Variants in GRIP2 observed in about 807,000 individuals in gnomAD.
GRIP2 encodes the protein glutamate receptor-interacting protein 2.
In GRIP2, 58 loss-of-function variants were observed where a neutral mutation model predicts 108.3. The observed-to-expected ratio is 0.54, with a 90% CI of 0.43 to 0.67. The LOEUF (loss-of-function observed/expected upper bound fraction) is 0.67. GRIP2 is among the 30% of genes least tolerant of loss of function. The pLI, the probability that GRIP2 is intolerant of heterozygous loss-of-function variation, is 0.00. For missense variants in GRIP2, 1,278 were observed against 1,430.6 expected, an observed-to-expected ratio of 0.89 and a Z score of 1.72; for synonymous variants, 586 against 598.2, an observed-to-expected ratio of 0.98 and a Z score of 0.30.
At chr3:14,575,294 G>C in the GRIP2 span, among the ~76,000 whole-genome samples, 1 of 152,222 alleles carries the variant, frequency 6.6e-6, no homozygotes, top group African/African-American at 2.4e-5. Context: ...GCTCAGGCCT[G>C]GGATGAGCAT....
At chr3:14,514,152 T>TAAC (rs1396711455) in intron 12 of GRIP2, 140 bp downstream of exon 12, 1 of 847,552 alleles carries the variant, frequency 1.2e-6, no homozygotes, top group Non-Finnish European at 1.8e-6. Flanking sequence ...AGCCTCGGTT[T>TAAC]CCTCATCTGT....
At chr3:14,596,620 A>G in the GRIP2 span, among the ~76,000 whole-genome samples, 1 of 152,198 alleles carries the variant, frequency 6.6e-6, no homozygotes, top group Non-Finnish European at 1.5e-5. Flanking sequence ...AGCACTCACT[A>G]GAGGGAGAGA....
In GRIP2 at chr3:14,505,834, T is replaced by C; in HGVS notation, c.2399-45A>G. The C allele has an allele frequency of 6.9e-7, 1 of 1,456,052 alleles. No homozygotes were observed. Among genetic ancestry groups the C allele is most frequent in the Non-Finnish European group, 9.1e-7 (1 of 1,100,320 alleles). 90.2% of individuals were successfully genotyped at this position (1,456,052 alleles called of 1,614,324 possible). A position where few individuals can be genotyped will look rare whatever the true frequency, so the allele number is the denominator to read the frequency against. ...CTCTGTGTTCCCTGCGGCCTCACCT[T>C]GCCCTCCTGCCTGCCCCATTTCCAG... On this transcript the variant is annotated intron_variant, in intron 19 of 23. Coordinates refer to ENST00000621039, the MANE Select transcript of GRIP2 (RefSeq NM_001080423.4). This position sits in a 1 kb window ranked among gnomAD's most constrained non-coding sequence, Gnocchi z 4.2.
chr3:14,521,587 C>T lies in GRIP2; in HGVS notation c.712+55G>A. Reference sequence around the variant, plus strand: ...AAAGATCCATGGCCACTGCCACCTCCCCCCATCCCAGGCCTCCTCCTGCCC... The same window carrying T: ...AAAGATCCATGGCCACTGCCACCTCTCCCCATCCCAGGCCTCCTCCTGCCC... On this transcript the variant is annotated intron_variant, in intron 7 of 23. Coordinates refer to ENST00000621039, the MANE Select transcript of GRIP2 (RefSeq NM_001080423.4). This position sits in a 1 kb window ranked among gnomAD's most constrained non-coding sequence, Gnocchi z 5.1. The T allele has an allele frequency of 6.6e-7, 1 of 1,526,070 alleles. No homozygotes were observed. Among genetic ancestry groups the T allele is most frequent in the Non-Finnish European group, 8.8e-7 (1 of 1,131,574 alleles). The allele number at this position is 1,526,070 out of a possible 1,614,324, so 94.5% of individuals were successfully genotyped here.
the GRIP2 span, among the ~76,000 whole-genome samples, chr3:14,575,437 C>T: frequency 6.6e-6 from 1 of 152,194 alleles, no homozygotes; most frequent in Non-Finnish European, 1.5e-5. Flanking sequence ...GTGGATCCCA[C>T]CTCTCCACCC....
At chr3:14,573,783 C>A in the GRIP2 span, 2 of 1,547,836 alleles carry the variant, frequency 1.3e-6, no homozygotes, top group South Asian at 2.2e-5. Context: ...GCAGACAGAG[C>A]CAAACTGTCT....
the GRIP2 span, among the ~76,000 whole-genome samples, chr3:14,594,161 C>T: frequency 1.3e-5 from 2 of 152,352 alleles, no homozygotes; most frequent in African/African-American, 4.8e-5. Flanking sequence ...TGAGCCCTCC[C>T]AGGACAGGTG....
the GRIP2 span, among the ~76,000 whole-genome samples, chr3:14,600,877 C>T: frequency 6.6e-4 from 100 of 152,294 alleles, 2 homozygotes; most frequent in African/African-American, 2.4e-3. Context: ...TGTGGGGCAC[C>T]TCCTGGCATT....
chr3:14,596,474 T>C, the GRIP2 span, among the ~76,000 whole-genome samples: 3 of 152,196 alleles, frequency 2.0e-5, no homozygotes, highest in African/African-American at 7.2e-5. Flanking sequence ...CCACATTCTC[T>C]GGTTCAACAC....
chr3:14,586,514 C>T, the GRIP2 span, among the ~76,000 whole-genome samples: 3 of 152,214 alleles, frequency 2.0e-5, no homozygotes, highest in African/African-American at 7.2e-5. Flanking sequence ...TGCCCTCCCC[C>T]GGAGGCTGGT....
chr3:14,584,868 T>C, the GRIP2 span, among the ~76,000 whole-genome samples: 2 of 152,202 alleles, frequency 1.3e-5, no homozygotes, highest in South Asian at 4.1e-4. Context: ...TGCCTCTGCC[T>C]CCCTACAGGG....
chr3:14,523,864 C>T, intron 4 of GRIP2, 166 bp from the exon 5 acceptor site: 1 of 609,878 alleles, frequency 1.6e-6, no homozygotes, highest in South Asian at 1.9e-5. Context: ...TAGAGGGATC[C>T]TCTCCCCTAA....
intron 1 of GRIP2, among the ~76,000 whole-genome samples, chr3:14,526,222 C>A (rs117422857): frequency 6.6e-6 from 1 of 152,324 alleles, no homozygotes; most frequent in East Asian, 1.9e-4. Context: ...AATGTTGTTA[C>A]CATGGATCAG....
In GRIP2 at chr3:14,521,894, G is replaced by A; in HGVS notation, c.567-107C>T. On this transcript the variant is annotated intron_variant, in intron 6 of 23. Coordinates refer to ENST00000621039, the MANE Select transcript of GRIP2 (RefSeq NM_001080423.4). The surrounding 1 kb of genome is among the most constrained non-coding windows in gnomAD (Gnocchi z 5.1). The stretch of plus-strand genomic sequence containing the variant: ...CATGGAGGATGAAGAAGCAGGGAAT[G>A]GGTGGGGGAGGAAGGGGAGGAGGGG... 2 of 1,080,384 alleles carry A rather than the reference G, an allele frequency of 1.9e-6. No homozygotes were observed. The highest frequency in any genetic ancestry group is 2.6e-6 in the Non-Finnish European group (2 of 782,002). The allele number at this position is 1,080,384 out of a possible 1,614,324, so 66.9% of individuals were successfully genotyped here. A position where few individuals can be genotyped will look rare whatever the true frequency, so the allele number is the denominator to read the frequency against.
chr3:14,528,963 C>A (rs954080604), intron 1 of GRIP2, among the ~76,000 whole-genome samples: 6 of 151,966 alleles, frequency 3.9e-5, no homozygotes, highest in Non-Finnish European at 7.4e-5. Context: ...GACTCTGTGT[C>A]GCACTAAAGT....
At position 14,494,964 on chromosome 3, in the gene GRIP2, C is replaced by T. The variant is rs751884082; in HGVS notation, c.2849G>A (p.Arg950Gln). 52 of 1,613,884 alleles carry T rather than the reference C, an allele frequency of 3.2e-5. No homozygotes were observed. Among genetic ancestry groups the T allele is most frequent in the Admixed American group, 1.0e-4 (6 of 60,014 alleles). The change falls in exon 23 of 24, where the codon CGG becomes CAG. Residue 950 changes from arginine to glutamine, a missense_variant. Transcript: ENST00000621039. ...HKVTLHKDPM[R>Q]HDFGFSVSDG... ...TGAGACGCTGAAACCAAAGTCATGC[C>T]GCATGGGGTCCTTGTGCAGGGTCAC...
At chr3:14,598,696 C>A in the GRIP2 span, among the ~76,000 whole-genome samples, 1 of 152,186 alleles carries the variant, frequency 6.6e-6, no homozygotes, top group Non-Finnish European at 1.5e-5. Context: ...CTTTCCCTGG[C>A]AGTAAAGGTC....
At chr3:14,598,626 G>C in the GRIP2 span, among the ~76,000 whole-genome samples, 1 of 151,824 alleles carries the variant, frequency 6.6e-6, no homozygotes, top group East Asian at 1.9e-4. Flanking sequence ...CAAGCTCTTG[G>C]TCTCCCAAGA....
the GRIP2 span, among the ~76,000 whole-genome samples, chr3:14,581,863 G>C: frequency 6.6e-6 from 1 of 152,246 alleles, no homozygotes; most frequent in Non-Finnish European, 1.5e-5. Flanking sequence ...GCGTGAGAAG[G>C]AACAGGTGGT....
Sources: allele counts gnomAD v4.1 joint callset (sites outside exome capture counted in the v4.1 genomes callset), GRCh38; gene constraint gnomAD v4.1.1; non-coding constraint Gnocchi (gnomAD v3.1); transcripts MANE v1.5; gene names NCBI Gene and HGNC (gene_info 2026-07-23, HGNC 2026-07-21).